Variants in DNAH2 observed in about 807,000 individuals in gnomAD.
The protein encoded by DNAH2 is axonemal beta dynein heavy chain 2.
DNAH2 carries 323 observed loss-of-function variants against 523.5 expected under a neutral mutation model. The ratio of observed to expected loss-of-function variants is 0.62; its 90% CI spans 0.56 to 0.68. DNAH2 has a LOEUF of 0.68. Among genes scored for constraint, DNAH2 ranks in the 30% least tolerant of loss-of-function variants. The pLI, the probability that DNAH2 is intolerant of heterozygous loss-of-function variation, is 0.00. For synonymous variants in DNAH2, 2,093 were observed against 2,177.4 expected, an observed-to-expected ratio of 0.96 and a Z score of 1.08; for missense variants, 4,907 against 5,701.5, an observed-to-expected ratio of 0.86 and a Z score of 4.49.
Position 7,798,734 on chromosome 17 carries a change from C to T in DNAH2, c.8559+16C>T, listed in dbSNP as rs779139656. ...ATTTGAAGAGGTAGGATTCCTTCCACACCCTTGACCAGTCAGTTCTTTGGC... is the reference window on the plus strand; with the variant it reads ...ATTTGAAGAGGTAGGATTCCTTCCATACCCTTGACCAGTCAGTTCTTTGGC... On this transcript the variant is annotated intron_variant, in intron 55 of 85. Coordinates refer to ENST00000572933, the MANE Select transcript of DNAH2 (RefSeq NM_020877.5). This position sits in a 1 kb window ranked among gnomAD's most constrained non-coding sequence, Gnocchi z 5.5. 1.9e-6 allele frequency: 3 copies of T among 1,604,818 alleles called. No homozygotes were observed. Among genetic ancestry groups the T allele is most frequent in the African/African-American group, 1.3e-5 (1 of 74,902 alleles).
intron 2 of DNAH2, 71 bp downstream of exon 2, chr17:7,719,971 T>G: frequency 7.0e-7 from 1 of 1,428,046 alleles, no homozygotes; most frequent in Non-Finnish European, 9.2e-7. Context: ...TTGGAGGCAT[T>G]TTAGGGCTGG....
chr17:7,822,682 A>G (rs1332212225), intron 73 of DNAH2, among the ~76,000 whole-genome samples: 1 of 152,178 alleles, frequency 6.6e-6, no homozygotes, highest in Non-Finnish European at 1.5e-5. Context: ...ATGTTAGAAA[A>G]TAAAATCCCC....
At chr17:7,725,440 A>ATATATTTTTTTTTTTTT (rs958458949) in intron 3 of DNAH2, among the ~76,000 whole-genome samples, 1 of 130,506 alleles carries the variant, frequency 7.7e-6, no homozygotes, top group Admixed American at 8.0e-5. Flanking sequence ...ATATATATAT[A>ATATATTTTTTTTTTTTT]TTTTCTTTTT....
intron 4 of DNAH2, 112 bp downstream of exon 4, chr17:7,727,404 C>T (rs1264842935): frequency 2.9e-6 from 4 of 1,383,848 alleles, no homozygotes; most frequent in Non-Finnish European, 2.9e-6. Flanking sequence ...CCTATTGAGC[C>T]CCACTGTGTC....
At chr17:7,761,960 A>G (rs2076017854) in intron 18 of DNAH2, among the ~76,000 whole-genome samples, 1 of 151,756 alleles carries the variant, frequency 6.6e-6, no homozygotes, top group South Asian at 2.1e-4. Flanking sequence ...GCTCTAGAGT[A>G]GTAAGGAAGA....
chr17:7,741,595 T>C (rs2075354252), intron 11 of DNAH2, among the ~76,000 whole-genome samples: 1 of 151,808 alleles, frequency 6.6e-6, no homozygotes, highest in Non-Finnish European at 1.5e-5. Context: ...CCTGACCTCA[T>C]GATCCACCCA....
At chr17:7,745,354 C>CTG (rs1458226039) in intron 12 of DNAH2, among the ~76,000 whole-genome samples, 1 of 151,886 alleles carries the variant, frequency 6.6e-6, no homozygotes, top group South Asian at 2.1e-4. Context: ...TAAAGAAATG[C>CTG]TGTGTGTGTG....
chr17:7,767,877 C>G, intron 22 of DNAH2, 23 bp from the exon 23 acceptor site: 1 of 1,613,542 alleles, frequency 6.2e-7, no homozygotes, highest in Non-Finnish European at 8.5e-7. Context: ...CCACTTCATG[C>G]AACGCGCCTT....
At chr17:7,759,242 C>T in intron 15 of DNAH2, 118 bp downstream of exon 15, 2 of 1,481,952 alleles carry the variant, frequency 1.3e-6, no homozygotes, top group South Asian at 1.3e-5. Context: ...ACTTCTCAAA[C>T]ATCGTGCTCT....
intron 56 of DNAH2, among the ~76,000 whole-genome samples, 155 bp downstream of exon 56, chr17:7,799,397 G>A (rs1163132389): frequency 1.3e-5 from 2 of 152,242 alleles, no homozygotes; most frequent in Non-Finnish European, 2.9e-5. Flanking sequence ...CTGATTTCAG[G>A]AAGTTCCTTT....
chr17:7,804,882 CT>C, intron 59 of DNAH2, 75 bp from the exon 60 acceptor site: 1 of 1,267,090 alleles, frequency 7.9e-7, no homozygotes, highest in African/African-American at 1.5e-5. Context: ...TCTCTTTCAT[CT>C]TTTCCACCAA....
chr17:7,740,010 G>A, intron 9 of DNAH2, 72 bp downstream of exon 9: 4 of 1,498,482 alleles, frequency 2.7e-6, no homozygotes, highest in Non-Finnish European at 3.6e-6. Context: ...TGGGAGGAGT[G>A]GCGAGAGTAT....
In DNAH2 at chr17:7,780,282, A is replaced by G. The variant is rs1379396638; in HGVS notation, c.5848A>G (p.Lys1950Glu). The part of the protein sequence containing the change: ...ILFGEGFGNC[K>E]ILAKKVYTLY... Reference sequence around the variant, plus strand: ...CTTTGGAGAGGGCTTTGGCAACTGCAAGGTACTCCAATAACCCCTTTTCTC... The same window carrying G: ...CTTTGGAGAGGGCTTTGGCAACTGCGAGGTACTCCAATAACCCCTTTTCTC... Residue 1950 changes from lysine to glutamate, a missense_variant and splice_region_variant, in exon 37 of 86, where the codon AAG becomes GAG. Transcript: ENST00000572933. This position sits in a 1 kb window ranked among gnomAD's most constrained non-coding sequence, Gnocchi z 4.4. 1.2e-6 allele frequency: 2 copies of G among 1,614,138 alleles called. No homozygotes were observed. The highest frequency in any genetic ancestry group is 1.7e-6 in the Non-Finnish European group (2 of 1,180,032).
chr17:7,831,580 TGAG>T lies in DNAH2; in HGVS notation c.12611+43_12611+45del, dbSNP rs1285104105. The T allele has an allele frequency of 2.5e-6, 4 of 1,613,638 alleles. No individual in the cohort carries two copies. In the African/African-American group the frequency reaches 4.0e-5, roughly 16 times the overall value. On this transcript the variant is annotated intron_variant, in intron 81 of 85. Transcript: ENST00000572933. The surrounding 1 kb of genome is among the most constrained non-coding windows in gnomAD (Gnocchi z 4.2). The stretch of plus-strand genomic sequence containing the variant: ...GGACTCTGCGGAACAGGGGAGGGTG[TGAG>T]GAGAAGCCTTTGCCTTCTGGCTAGA...
intron 63 of DNAH2, among the ~76,000 whole-genome samples, chr17:7,811,146 T>A (rs1479851920): frequency 2.0e-5 from 3 of 152,128 alleles, no homozygotes; most frequent in Non-Finnish European, 4.4e-5. Flanking sequence ...AACATTCAGA[T>A]TTTTTTCCCA....
At chr17:7,800,120 C>T (rs149779981) in intron 56 of DNAH2, among the ~76,000 whole-genome samples, 20 of 152,286 alleles carry the variant, frequency 1.3e-4, no homozygotes, top group African/African-American at 4.8e-4. Flanking sequence ...GCTGTGATCT[C>T]GACTCACTGC....
At chr17:7,781,470 C>A (rs1049582733) in intron 39 of DNAH2, among the ~76,000 whole-genome samples, 2 of 152,008 alleles carry the variant, frequency 1.3e-5, no homozygotes, top group Admixed American at 1.3e-4. Flanking sequence ...AGAGCAAGAC[C>A]GTGTCTCAAA....
chr17:7,825,008 G>A (rs1288804285), intron 77 of DNAH2, among the ~76,000 whole-genome samples: 1 of 152,142 alleles, frequency 6.6e-6, no homozygotes, highest in African/African-American at 2.4e-5. Flanking sequence ...GGTGAATACT[G>A]TTACCCCCAT....
rs2077967784 is a variant in DNAH2 at position 7,824,601 on chromosome 17, G to A, written c.11727G>A (p.Leu3909=). Residue 3909 remains leucine (L), a synonymous_variant, in exon 77 of 86, where the codon CTG becomes CTA. Coordinates refer to ENST00000572933, the MANE Select transcript of DNAH2 (RefSeq NM_020877.5). ...CTTGGATGCCTAATCTGGACAAGCTGGTGGAGCAGCTGCAGGTGGAGGATC... is the reference window on the plus strand; with the variant it reads ...CTTGGATGCCTAATCTGGACAAGCTAGTGGAGCAGCTGCAGGTGGAGGATC... ...SLSWMPNLDK[L]VEQLQVEDPH... 1 of 1,606,294 alleles carries A rather than the reference G, an allele frequency of 6.2e-7. No individual in the cohort carries two copies. Among genetic ancestry groups the A allele is most frequent in the Non-Finnish European group, 8.5e-7 (1 of 1,174,580 alleles).
Sources: allele counts gnomAD v4.1 joint callset (sites outside exome capture counted in the v4.1 genomes callset), GRCh38; gene constraint gnomAD v4.1.1; non-coding constraint Gnocchi (gnomAD v3.1); transcripts MANE v1.5; gene names NCBI Gene and HGNC (gene_info 2026-07-23, HGNC 2026-07-21).